Variants in CD72 observed in about 807,000 individuals in gnomAD.
The protein encoded by CD72 is CD72 molecule.
In CD72, 28 loss-of-function variants were observed where a neutral mutation model predicts 50.7. The observed-to-expected ratio is 0.55, with a 90% CI of 0.41 to 0.76. The LOEUF (loss-of-function observed/expected upper bound fraction) is 0.76. Ranked by LOEUF, CD72 falls within the 30% of genes least tolerant of loss-of-function variation. CD72 has a pLI of 0.00. For missense variants in CD72, 403 were observed against 420.6 expected, an observed-to-expected ratio of 0.96 and a Z score of 0.37; for synonymous variants, 176 against 171.2, an observed-to-expected ratio of 1.03 and a Z score of -0.22.
chr9:35,631,512 G>A (rs1823245713), intron 1 of CD72, among the ~76,000 whole-genome samples: 2 of 152,140 alleles, frequency 1.3e-5, no homozygotes, highest in Non-Finnish European at 2.9e-5. Context: ...TTTACTTAGA[G>A]TTTTTTTGGG....
At chr9:35,621,111 C>G (rs548536553), upstream of CD72, among the ~76,000 whole-genome samples, 1 of 152,154 alleles carries the variant, frequency 6.6e-6, no homozygotes, top group Non-Finnish European at 1.5e-5. Context: ...AGAAAAGATA[C>G]CTGTAACTCC....
chr9:35,638,607 C>A (rs1823312412), intron 1 of CD72, among the ~76,000 whole-genome samples: 1 of 151,010 alleles, frequency 6.6e-6, no homozygotes, highest in Middle Eastern at 3.2e-3. Flanking sequence ...TAAATATATA[C>A]AGGAATTCCG....
Position 35,612,205 on chromosome 9 carries a change from G to A in CD72, c.835-286C>T, listed in dbSNP as rs146606524. 9.2e-5 allele frequency among the ~76,000 whole-genome samples: 14 copies of A among 152,320 alleles called. No individual in the cohort carries two copies. The East Asian group carries it at 2.7e-3, about 29-fold the overall frequency. On this transcript the variant is annotated intron_variant, in intron 6 of 8. Transcript: ENST00000259633. ...CCCTACAATCCAGCCCACCAGGTGT[G>A]GGACCTCTCTGCCTGAGAGGCCACA...
intron 1 of CD72, among the ~76,000 whole-genome samples, chr9:35,630,041 T>C (rs1414445622): frequency 1.3e-5 from 2 of 149,608 alleles, no homozygotes; most frequent in African/African-American, 4.9e-5. Context: ...CTTTTCTTTT[T>C]TTTTTTTTTT....
chr9:35,610,871 C>G, intron 7 of CD72, 118 bp from the exon 8 acceptor site: 1 of 756,446 alleles, frequency 1.3e-6, no homozygotes, highest in South Asian at 1.6e-5. Flanking sequence ...AAGGCCACAT[C>G]TGGGCATGGT....
chr9:35,638,464 C>T (rs1003675025), intron 1 of CD72, among the ~76,000 whole-genome samples: 1 of 152,068 alleles, frequency 6.6e-6, no homozygotes, highest in African/African-American at 2.4e-5. Context: ...ACTAGCTCTC[C>T]CCCACCTGCC....
chr9:35,627,930 G>A (rs1280914648), intron 1 of CD72, among the ~76,000 whole-genome samples: 1 of 151,806 alleles, frequency 6.6e-6, no homozygotes, highest in Non-Finnish European at 1.5e-5. Context: ...CAAACTCCTG[G>A]GTTCAAGTGA....
intron 1 of CD72, among the ~76,000 whole-genome samples, chr9:35,625,474 A>G (rs1402049895): frequency 6.6e-6 from 1 of 152,258 alleles, no homozygotes; most frequent in Non-Finnish European, 1.5e-5. Flanking sequence ...GCTCTATAAC[A>G]TAAAAGTGCA....
intron 1 of CD72, among the ~76,000 whole-genome samples, chr9:35,644,350 CAAAAAAAA>C (rs74176726): frequency 5.9e-5 from 4 of 68,194 alleles, no homozygotes; most frequent in East Asian, 5.7e-4. Flanking sequence ...AACTCTGTCT[CAAAAAAAA>C]AAAAAAAAAA....
At chr9:35,642,869 C>G (rs1165151630) in intron 1 of CD72, 1 of 152,134 alleles carries the variant, frequency 6.6e-6, no homozygotes, top group Non-Finnish European at 1.5e-5. Context: ...CCAATCTGCT[C>G]CTGATATTAG....
intron 7 of CD72, among the ~76,000 whole-genome samples, chr9:35,610,995 C>T (rs536015650): frequency 1.5e-4 from 23 of 152,314 alleles, no homozygotes; most frequent in South Asian, 1.2e-3. Context: ...CTCATGCCTG[C>T]AATCCCAGCA....
chr9:35,616,139 C>T lies in CD72; in HGVS notation c.492G>A (p.Leu164=), dbSNP rs200195618. 34 of 1,614,066 alleles carry T rather than the reference C, an allele frequency of 2.1e-5. No individual in the cohort carries two copies. The Middle Eastern group carries it at 1.3e-3, about 62-fold the overall frequency. ...CCTGTAGTGCTTCCTGACTCTGCGC[C>T]AGCTCTCTCCTGGACCCCTGCAGAT... The part of the protein sequence containing the change: ...AEDLQGSRRE[L]AQSQEALQVE... Residue 164 remains leucine, a synonymous_variant, in exon 5 of 9, where the codon CTG becomes CTA. Coordinates refer to ENST00000259633, the MANE Select transcript of CD72 (RefSeq NM_001782.3).
intron 1 of CD72, among the ~76,000 whole-genome samples, chr9:35,625,989 C>A (rs962094537): frequency 1.3e-5 from 2 of 152,034 alleles, no homozygotes; most frequent in Non-Finnish European, 2.9e-5. Context: ...GTTGTTTTCA[C>A]GCCTAACTTC....
At chr9:35,629,895 C>T (rs540704739) in intron 1 of CD72, among the ~76,000 whole-genome samples, 1 of 152,328 alleles carries the variant, frequency 6.6e-6, no homozygotes, top group East Asian at 1.9e-4. Context: ...TCTCCAATGA[C>T]TTGAATTGTC....
upstream of CD72, among the ~76,000 whole-genome samples, chr9:35,623,683 G>A (rs991746263): frequency 6.6e-5 from 10 of 152,116 alleles, no homozygotes; most frequent in African/African-American, 1.9e-4. Context: ...TTGGGAGGCC[G>A]AGGCAGGCGG....
rs548252678 is a variant in CD72, at chr9:35,628,271, T to C, written n.409-10150A>G. Among the ~76,000 whole-genome samples, 4 of 152,262 alleles carry C rather than the reference T, an allele frequency of 2.6e-5. No individual in the cohort carries two copies. The South Asian group carries it at 8.3e-4, about 32-fold the overall frequency. On this transcript the variant is annotated intron_variant and non_coding_transcript_variant, in intron 1 of 3. Transcript: ENST00000465754. ...GCACGTGTTACCAGGGCCAGCTTAT[T>C]CCTCTTCTTCCTCCTCCTTTTTAAA...
rs190216870 is a variant in CD72 at position 35,630,357 on chromosome 9, T to A, written n.409-12236A>T. On this transcript the variant is annotated intron_variant and non_coding_transcript_variant, in intron 1 of 3. Coordinates refer to the CD72 transcript ENST00000465754. ...CCGGCTGCTAAAGTGAATTTCTCTA[T>A]TTTTTCTCACTATTTTCCCTATCAA... 4.7e-3 allele frequency among the ~76,000 whole-genome samples: 719 copies of A among 152,260 alleles called. 4 individuals carry two copies. The highest frequency in any genetic ancestry group is 0.016 in the African/African-American group (680 of 41,558).
upstream of CD72, among the ~76,000 whole-genome samples, chr9:35,622,414 C>A (rs1823153058): frequency 6.6e-6 from 1 of 152,132 alleles, no homozygotes; most frequent in Non-Finnish European, 1.5e-5. Flanking sequence ...AGCTGAAAAG[C>A]AAATACATCA....
intron 4 of CD72, 50 bp downstream of exon 4, chr9:35,616,550 G>T: frequency 7.1e-7 from 1 of 1,401,448 alleles, no homozygotes; most frequent in Non-Finnish European, 1.0e-6. Flanking sequence ...GGCGAGAGTC[G>T]GGACGAAAGT....
Sources: gnomAD v4.1 joint callset for allele counts (sites outside exome capture counted in the v4.1 genomes callset) on GRCh38, gnomAD v4.1.1 for gene constraint, MANE v1.5 for transcripts, NCBI Gene and HGNC (gene_info 2026-07-23, HGNC 2026-07-21) for gene names.